Variants in SLC25A27 observed in about 807,000 individuals in gnomAD.
The protein encoded by SLC25A27 is solute carrier family 25 member 27, also known as mitochondrial uncoupling protein 4.
A neutral mutation model predicts 49.1 loss-of-function variants in SLC25A27; 35 were observed. The ratio of observed to expected loss-of-function variants is 0.71; its 90% CI spans 0.54 to 0.95. The LOEUF is 0.95. SLC25A27 is among the 40% of genes least tolerant of loss of function. The pLI, the probability that SLC25A27 is intolerant of heterozygous loss-of-function variation, is 0.00. For missense variants in SLC25A27, 339 were observed against 397.1 expected, an observed-to-expected ratio of 0.85 and a Z score of 1.24; for synonymous variants, 144 against 136.9, an observed-to-expected ratio of 1.05 and a Z score of -0.36.
In SLC25A27 at chr6:46,664,805, A is replaced by C. The variant is rs759223042; in HGVS notation, c.538A>C (p.Ile180Leu). ...FRGVHHAFAK[I>L]LAEGGIRGLW... Reference sequence around the variant, plus strand: ...TGGTGTACATCATGCATTTGCAAAAATCTTAGCTGAAGGAGGAATACGAGG... The same window carrying C: ...TGGTGTACATCATGCATTTGCAAAACTCTTAGCTGAAGGAGGAATACGAGG... The change falls in exon 5 of 9, where the codon ATC becomes CTC. Residue 180 changes from isoleucine to leucine, a missense_variant. By Grantham distance (5) the Ile-to-Leu change is conservative. Coordinates refer to ENST00000371347, the MANE Select transcript of SLC25A27 (RefSeq NM_004277.5). 90 of 1,609,722 alleles carry C rather than the reference A, an allele frequency of 5.6e-5. 3 individuals carry two copies. In the South Asian group the frequency reaches 9.4e-4, roughly 17 times the overall value.
In SLC25A27 at chr6:46,664,878, A is replaced by C. The variant is rs778910615; in HGVS notation, c.611A>C (p.Asn204Thr). ...AATATACAAAGAGCAGCACTGGTGA[A>C]TATGGGAGGTAATGAAAACTTTGTT... is the stretch of plus-strand genomic sequence containing the variant. ...VPNIQRAALVNMGDLTTYDTV... is the reference protein window; with the variant it reads ...VPNIQRAALVTMGDLTTYDTV... Residue 204 changes from asparagine to threonine, a missense_variant, in exon 5 of 9, where the codon AAT becomes ACT. Coordinates refer to ENST00000371347, the MANE Select transcript of SLC25A27 (RefSeq NM_004277.5). 4.5e-6 allele frequency: 7 copies of C among 1,551,074 alleles called. No homozygotes were observed. The South Asian group carries it at 7.3e-5, about 16-fold the overall frequency.
At chr6:46,662,867 G>C (rs1763205566) in intron 4 of SLC25A27, among the ~76,000 whole-genome samples, 1 of 152,080 alleles carries the variant, frequency 6.6e-6, no homozygotes, top group South Asian at 2.1e-4. Context: ...GGTCTCTTGG[G>C]TTTTCATCTT....
Position 46,653,226 on chromosome 6 carries a change from C to T in SLC25A27, c.34C>T (p.Pro12Ser), listed in dbSNP as rs760367374. 1 of 1,613,596 alleles carries T rather than the reference C, an allele frequency of 6.2e-7. No homozygotes were observed. The highest frequency in any genetic ancestry group is 8.5e-7 in the Non-Finnish European group (1 of 1,179,712). ...SVPEEEERLL[P>S]LTQRWPRASK... is the part of the protein sequence containing the mutation. ...CCCGGAGGAGGAGGAGAGGCTTTTG[C>T]CGCTGACCCAGAGATGGCCCCGAGC... Residue 12 changes from proline (P) to serine (S), a missense_variant, in exon 1 of 9, where the codon CCG becomes TCG. Transcript: ENST00000371347.
chr6:46,664,886 G>A lies in SLC25A27; in HGVS notation c.619G>A (p.Asp207Asn), dbSNP rs1163077003. 2.1e-5 allele frequency: 32 copies of A among 1,527,334 alleles called. No homozygotes were observed. The highest frequency in any genetic ancestry group is 2.8e-5 in the Non-Finnish European group (32 of 1,123,942). 94.6% of individuals were successfully genotyped at this position (1,527,334 alleles called of 1,614,324 possible). ...IQRAALVNMGDLTTYDTVKHY... is the reference protein window; with the variant it reads ...IQRAALVNMGNLTTYDTVKHY... ...AAGAGCAGCACTGGTGAATATGGGA[G>A]GTAATGAAAACTTTGTTAAATTCTA... The change falls in exon 5 of 9, where the codon GAT (aspartate) becomes AAT (asparagine). Residue 207 changes from aspartate (D) to asparagine (N), a missense_variant and splice_region_variant. Asp to Asn is a conservative substitution (Grantham distance 23). Coordinates refer to ENST00000371347, the MANE Select transcript of SLC25A27 (RefSeq NM_004277.5).
rs770393224 is a variant in SLC25A27 at position 46,653,199 on chromosome 6, G to C, written c.7G>C (p.Val3Leu). Residue 3 changes from valine (V) to leucine (L), a missense_variant, in exon 1 of 9, where the codon GTC becomes CTC. Coordinates refer to ENST00000371347, the MANE Select transcript of SLC25A27 (RefSeq NM_004277.5). MS[V>L]PEEEERLLPL... ...CGTCTTGCGCTACTGCTGAATGTCC[G>C]TCCCGGAGGAGGAGGAGAGGCTTTT... 1 of 1,613,176 alleles carries C rather than the reference G, an allele frequency of 6.2e-7. No individual in the cohort carries two copies. The highest frequency in any genetic ancestry group is 1.3e-5 in the African/African-American group (1 of 74,910).
intron 6 of SLC25A27, among the ~76,000 whole-genome samples, chr6:46,669,604 G>A (rs992699965): frequency 1.3e-5 from 2 of 152,088 alleles, no homozygotes; most frequent in Non-Finnish European, 2.9e-5. Flanking sequence ...ATGCACACAC[G>A]CATGTGAATT....
intron 8 of SLC25A27, among the ~76,000 whole-genome samples, chr6:46,671,625 TAGC>T: frequency 6.6e-6 from 1 of 152,216 alleles, no homozygotes; most frequent in South Asian, 2.1e-4. Context: ...GTTACTTTGA[TAGC>T]AGATGTTACA....
chr6:46,658,897 A>G (rs1161031425), intron 2 of SLC25A27, 65 bp from the exon 3 acceptor site: 6 of 1,077,298 alleles, frequency 5.6e-6, no homozygotes, highest in Non-Finnish European at 8.7e-6. Flanking sequence ...CTCTTATTTT[A>G]TACATACATA....
intron 4 of SLC25A27, among the ~76,000 whole-genome samples, chr6:46,664,495 G>A (rs191876376): frequency 6.5e-4 from 99 of 152,100 alleles, no homozygotes; most frequent in Non-Finnish European, 1.1e-3. Context: ...ATCAAGAAAG[G>A]TATTTTTATC....
At position 46,676,590 on chromosome 6, in the gene SLC25A27, C is replaced by T; in HGVS notation, c.*136C>T. Reference sequence around the variant, plus strand: ...ACAGAGACTGATTTATAGGGGGCAGCACTTTATTTTTTTCTGGAAACCCAA... The same window carrying T: ...ACAGAGACTGATTTATAGGGGGCAGTACTTTATTTTTTTCTGGAAACCCAA... On this transcript the variant is annotated 3_prime_UTR_variant, in exon 9 of 9. Coordinates refer to ENST00000371347, the MANE Select transcript of SLC25A27 (RefSeq NM_004277.5). The T allele has an allele frequency of 6.4e-7, 1 of 1,563,696 alleles. No individual in the cohort carries two copies.
At position 46,653,189 on chromosome 6, in the gene SLC25A27, CTG is replaced by C. The variant is rs751350652; in HGVS notation, c.-3_-2del. On this transcript the variant is annotated 5_prime_UTR_variant, in exon 1 of 9. Coordinates refer to ENST00000371347, the MANE Select transcript of SLC25A27 (RefSeq NM_004277.5). ...AGTGCGTTATCGTCTTGCGCTACTG[CTG>C]AATGTCCGTCCCGGAGGAGGAGGAG... 1 of 1,612,534 alleles carries C rather than the reference CTG, an allele frequency of 6.2e-7. No individual in the cohort carries two copies. Among genetic ancestry groups the C allele is most frequent in the Admixed American group, 1.7e-5 (1 of 59,942 alleles).
intron 2 of SLC25A27, chr6:46,658,370 A>G (rs866262842): frequency 4.5e-6 from 1 of 223,738 alleles, no homozygotes; most frequent in Non-Finnish European, 9.0e-6. Flanking sequence ...GCATCCCATT[A>G]TTATTTTGAG....
At position 46,662,360 on chromosome 6, in the gene SLC25A27, T is replaced by G; in HGVS notation, c.384-16T>G. ...AATTAATGGCAACTTTAAAAAGAAT[T>G]TCCTTCTGCAATTAGGAAATCAGTC... On this transcript the variant is annotated splice_polypyrimidine_tract_variant and intron_variant, in intron 3 of 8. Coordinates refer to ENST00000371347, the MANE Select transcript of SLC25A27 (RefSeq NM_004277.5). 6.2e-7 allele frequency: 1 copy of G among 1,611,608 alleles called. No homozygotes were observed. The highest frequency in any genetic ancestry group is 8.5e-7 in the Non-Finnish European group (1 of 1,179,068).
chr6:46,662,609 A>G, intron 4 of SLC25A27, 111 bp downstream of exon 4: 1 of 1,171,888 alleles, frequency 8.5e-7, no homozygotes, highest in Admixed American at 2.3e-5. Context: ...ATTACTTCTG[A>G]CTTTTTTAAT....
In SLC25A27 at chr6:46,677,965, C is replaced by G. The variant is rs1763856726; in HGVS notation, c.*1511C>G. The G allele has an allele frequency of 6.9e-6, 1 of 145,922 alleles. No homozygotes were observed. The highest frequency in any genetic ancestry group is 1.5e-5 in the Non-Finnish European group (1 of 66,594). The allele number at this position is 145,922 out of a possible 1,614,324, so 9.0% of individuals were successfully genotyped here. ...TTGCAGAGAATGTGAAGTTTAATCT[C>G]TTAAAATATTTAGATGGTCTACTTT... On this transcript the variant is annotated 3_prime_UTR_variant, in exon 9 of 9. Transcript: ENST00000371347.
chr6:46,676,156 T>G (rs547036882), intron 8 of SLC25A27, among the ~76,000 whole-genome samples: 1 of 152,210 alleles, frequency 6.6e-6, no homozygotes, highest in East Asian at 1.9e-4. Context: ...GATATTAATA[T>G]CTTTCCTTTC....
intron 2 of SLC25A27, among the ~76,000 whole-genome samples, chr6:46,656,706 G>T (rs1365893238): frequency 6.6e-6 from 1 of 152,024 alleles, no homozygotes; most frequent in Non-Finnish European, 1.5e-5. Context: ...GGCGTGAGCC[G>T]CCGTGCCCAG....
chr6:46,661,775 G>C (rs918726013), intron 3 of SLC25A27, among the ~76,000 whole-genome samples: 2 of 152,162 alleles, frequency 1.3e-5, no homozygotes, highest in Non-Finnish European at 2.9e-5. Context: ...GAATGAAATG[G>C]TATTTTTAAA....
chr6:46,655,752 A>G, intron 1 of SLC25A27, 91 bp from the exon 2 acceptor site: 1 of 1,056,008 alleles, frequency 9.5e-7, no homozygotes. Flanking sequence ...GAGAACAACC[A>G]GTCTTGGGAA....
Sources: allele counts gnomAD v4.1 joint callset (sites outside exome capture counted in the v4.1 genomes callset), GRCh38; gene constraint gnomAD v4.1.1; transcripts MANE v1.5; gene names NCBI Gene and HGNC (gene_info 2026-07-23, HGNC 2026-07-21).